SRCAP: variants seen among roughly 807,000 people sequenced by gnomAD.
The protein encoded by SRCAP is chromatin remodeling protein SRCAP.
Under a neutral mutation model 263.1 loss-of-function variants are expected in SRCAP, and 46 were observed. The ratio of observed to expected loss-of-function variants is 0.17; its 90% confidence interval spans 0.14 to 0.22. The LOEUF is 0.22. Ranked by LOEUF, SRCAP falls within the 10% of genes least tolerant of loss-of-function variation. The probability of loss-of-function intolerance (pLI) is 1.00; values close to 1 mark genes in which losing one functional copy is unlikely to be tolerated. For synonymous variants in SRCAP, 1,813 were observed against 1,662.1 expected (o/e 1.09, Z -2.21); for missense variants, 3,695 against 4,181.9 (o/e 0.88, Z 3.21).
rs200405373 is a variant in SRCAP at position 30,720,841 on chromosome 16, G to T, written c.3116G>T (p.Gly1039Val). 6.2e-7 allele frequency: 1 copy of T among 1,613,856 alleles called. No homozygotes were observed. The highest frequency in any genetic ancestry group is 1.3e-5 in the African/African-American group (1 of 74,970). Residue 1039 changes from glycine (G) to valine (V), a missense_variant, in exon 20 of 34, where the codon GGC becomes GTC. Physicochemically the swap from Gly to Val is moderately radical, Grantham distance 109 (BLOSUM62 -3). This residue lies in a region of SRCAP where 1,347 missense variants were observed against 1,304.4 expected (regional missense o/e 1.03). Coordinates refer to ENST00000262518, the MANE Select transcript of SRCAP (RefSeq NM_006662.3). ...GPELSAQPTP[G>V]PVPQVLPASL... ...GAGCTCTCAGCCCAGCCCACCCCTG[G>T]CCCAGTCCCCCAAGTGCTGCCAGCA...
In SRCAP at chr16:30,738,412, C is replaced by T. The variant is rs374720304; in HGVS notation, c.8372C>T (p.Pro2791Leu). 51 of 1,546,984 alleles carry T rather than the reference C, an allele frequency of 3.3e-5. No individual in the cohort carries two copies. In the African/African-American group the frequency reaches 3.9e-4, roughly 12 times the overall value. Residue 2791 changes from proline (P) to leucine (L), a missense_variant, in exon 34 of 34, where the codon CCG (proline) becomes CTG (leucine). Around this residue, in one of 12 missense-constraint regions of SRCAP, gnomAD observed 1,207 missense variants for 1,142.9 expected, o/e 1.06. Coordinates refer to ENST00000262518, the MANE Select transcript of SRCAP (RefSeq NM_006662.3). ...VSETSASPGSPSVRSMSGPES... is the reference protein window; with the variant it reads ...VSETSASPGSLSVRSMSGPES... ...GAGACTAGTGCCAGCCCGGGAAGCCCGTCTGTCCGCAGCATGTCAGGGCCA... is the reference window on the plus strand; with the variant it reads ...GAGACTAGTGCCAGCCCGGGAAGCCTGTCTGTCCGCAGCATGTCAGGGCCA...
intron 27 of SRCAP, among the ~76,000 whole-genome samples, chr16:30,732,581 G>A (rs1788886987): frequency 6.6e-6 from 1 of 152,204 alleles, no homozygotes; most frequent in South Asian, 2.1e-4. Flanking sequence ...GTTCTGATCT[G>A]TGACCTTAAA....
Position 30,740,682 on chromosome 16 carries a change from C to CA in SRCAP, c.*950dup, listed in dbSNP as rs1555466268. On this transcript the variant is annotated 3_prime_UTR_variant, in exon 34 of 34. Transcript: ENST00000262518. The stretch of plus-strand genomic sequence containing the variant: ...CAAAGCTGAGGCAGGAGCCGAAACT[C>CA]AGAGTCCTTCAAGGCCTATAGCCAG... 3.3e-5 allele frequency: 5 copies of CA among 152,194 alleles called. No homozygotes were observed. Among genetic ancestry groups the CA allele is most frequent in the African/African-American group, 9.7e-5 (4 of 41,448 alleles). 9.4% of individuals were successfully genotyped at this position (152,194 alleles called of 1,614,324 possible).
intron 3 of SRCAP, among the ~76,000 whole-genome samples, chr16:30,703,167 A>ATATG (rs1178099261): frequency 2.7e-5 from 4 of 150,344 alleles, no homozygotes; most frequent in African/African-American, 9.8e-5. Flanking sequence ...ATATATATAT[A>ATATG]TGTATGTATA....
rs1308145696 is a variant in SRCAP, at chr16:30,729,247, T to G, written c.5924+16T>G. On this transcript the variant is annotated intron_variant, in intron 26 of 33. Coordinates refer to ENST00000262518, the MANE Select transcript of SRCAP (RefSeq NM_006662.3). ...TCATTGAGAGGTTGGCAGGGCTAAG[T>G]GCTAATGGGGAGTGGGTCTTGGGGC... 5.0e-6 allele frequency: 8 copies of G among 1,601,078 alleles called. No homozygotes were observed. The highest frequency in any genetic ancestry group is 6.8e-6 in the Non-Finnish European group (8 of 1,171,744).
In SRCAP at chr16:30,723,715, G is replaced by A. The variant is rs774989117; in HGVS notation, c.4291G>A (p.Val1431Ile). 55 of 1,613,860 alleles carry A rather than the reference G, an allele frequency of 3.4e-5. No homozygotes were observed. The highest frequency in any genetic ancestry group is 4.1e-5 in the Non-Finnish European group (48 of 1,179,992). ...CCTTGCTAGTCCTGTGTCCTCTACA[G>A]TCTCAGTTCCATTGTCATCTTCACT... ...SPLASPVSST[V>I]SVPLSSSLPI... Residue 1431 changes from valine (V) to isoleucine (I), a missense_variant, in exon 25 of 34, where the codon GTC (valine) becomes ATC (isoleucine). Physicochemically the swap from Val to Ile is conservative, Grantham distance 29 (BLOSUM62 3). Transcript: ENST00000262518.
rs2053050180 is a variant in SRCAP at position 30,725,011 on chromosome 16, A to G, written c.5587A>G (p.Thr1863Ala). The G allele has an allele frequency of 1.2e-6, 2 of 1,611,060 alleles. No individual in the cohort carries two copies. Among genetic ancestry groups the G allele is most frequent in the South Asian group, 1.1e-5 (1 of 90,930 alleles). Reference protein sequence around the residue: ...LRSGPPSPPSTATSFGGPRPR... With the variant: ...LRSGPPSPPSAATSFGGPRPR... The stretch of plus-strand genomic sequence containing the variant: ...CTCTGGTCCCCCCAGCCCTCCCTCC[A>G]CTGCTACCTCGTTTGGTGGCCCCCG... The change falls in exon 25 of 34, where the codon ACT becomes GCT. Residue 1863 changes from threonine to alanine, a missense_variant. Coordinates refer to ENST00000262518, the MANE Select transcript of SRCAP (RefSeq NM_006662.3).
intron 30 of SRCAP, 109 bp downstream of exon 30, chr16:30,734,117 C>T (rs1203863137): frequency 1.0e-5 from 10 of 978,328 alleles, no homozygotes; most frequent in Admixed American, 5.1e-5. Context: ...CTGAGGCAGG[C>T]GGATCACTTG....
chr16:30,723,314 A>C (rs957970785), intron 24 of SRCAP, 85 bp downstream of exon 24: 2 of 1,506,986 alleles, frequency 1.3e-6, no homozygotes, highest in African/African-American at 2.8e-5. Context: ...GTTTTAGTAC[A>C]GGTTTTTTCA....
rs1235776991 is a variant in SRCAP at position 30,733,074 on chromosome 16, G to GAT, written c.6128-205_6128-204dup. 2.0e-5 allele frequency among the ~76,000 whole-genome samples: 3 copies of GAT among 152,178 alleles called. No individual in the cohort carries two copies. Among genetic ancestry groups the GAT allele is most frequent in the Non-Finnish European group, 4.4e-5 (3 of 68,034 alleles). On this transcript the variant is annotated intron_variant, in intron 27 of 33. Coordinates refer to ENST00000262518, the MANE Select transcript of SRCAP (RefSeq NM_006662.3). The surrounding 1 kb of genome is among the most constrained non-coding windows in gnomAD (Gnocchi z 5.3). ...TGGTCTTGAACTCCCGACTTAAAGTGATCCACCTGCCTCAGCTTCTCAGAG... is the reference window on the plus strand; with the variant it reads ...TGGTCTTGAACTCCCGACTTAAAGTGATATCCACCTGCCTCAGCTTCTCAGAG...
At chr16:30,719,870 T>C (rs528471336) in intron 18 of SRCAP, among the ~76,000 whole-genome samples, 1 of 152,258 alleles carries the variant, frequency 6.6e-6, no homozygotes, top group Admixed American at 6.5e-5. Context: ...GTATATTGCA[T>C]GATGCTGAGG....
At position 30,722,246 on chromosome 16, in the gene SRCAP, G is replaced by A; in HGVS notation, c.3666G>A (p.Gln1222=). ...QGNKLTLTGA[Q]VRQLAVGQPR... ...ACAAGCTGACTTTGACTGGTGCCCA[G>A]GTGCGCCAGCTTGCTGTGGGGCAGC... is the stretch of plus-strand genomic sequence containing the variant. The change falls in exon 22 of 34, where the codon CAG becomes CAA. Residue 1222 remains glutamine (Q), a synonymous_variant. Coordinates refer to ENST00000262518, the MANE Select transcript of SRCAP (RefSeq NM_006662.3). 6.2e-7 allele frequency: 1 copy of A among 1,614,178 alleles called. No individual in the cohort carries two copies. The highest frequency in any genetic ancestry group is 8.5e-7 in the Non-Finnish European group (1 of 1,180,022).
Position 30,700,697 on chromosome 16 carries a change from C to T in SRCAP, c.-128C>T, listed in dbSNP as rs369654583. The T allele has an allele frequency of 1.7e-4, 150 of 873,466 alleles. No individual in the cohort carries two copies. The highest frequency in any genetic ancestry group is 6.9e-4 in the East Asian group (25 of 36,160). The allele number at this position is 873,466 out of a possible 1,614,324, so 54.1% of individuals were successfully genotyped here. ...GCCCTGGAAGGCGGGTCCCGGTGGC[C>T]GGTGGCCCAGAATGAGGCCAGCTCC... On this transcript the variant is annotated 5_prime_UTR_variant, in exon 3 of 34. Coordinates refer to ENST00000262518, the MANE Select transcript of SRCAP (RefSeq NM_006662.3).
At chr16:30,700,127 A>G (rs1294466009) in intron 2 of SRCAP, 146 bp downstream of exon 2, 1 of 152,256 alleles carries the variant, frequency 6.6e-6, no homozygotes, top group Non-Finnish European at 1.5e-5. Flanking sequence ...GTTTGATTAT[A>G]GTACAACAAC....
Position 30,707,606 on chromosome 16 carries a change from A to G in SRCAP, c.527A>G (p.Gln176Arg), listed in dbSNP as rs764108371. 1 of 1,614,020 alleles carries G rather than the reference A, an allele frequency of 6.2e-7. No homozygotes were observed. Among genetic ancestry groups the G allele is most frequent in the South Asian group, 1.1e-5 (1 of 91,062 alleles). ...VRMVIRHHEE[Q>R]RQKEERARRE... ...ATGGTGATCCGGCACCACGAGGAGC[A>G]GCGGCAGAAAGAGGAACGGGCCCGG... is the stretch of plus-strand genomic sequence containing the variant. The change falls in exon 6 of 34, where the codon CAG (glutamine) becomes CGG (arginine). Residue 176 changes from glutamine (Q) to arginine (R), a missense_variant. By Grantham distance (43) the Gln-to-Arg change is conservative. Around this residue, in one of 12 missense-constraint regions of SRCAP, gnomAD observed 107 missense variants for 223.8 expected, o/e 0.48. Transcript: ENST00000262518.
rs1298956270 is a variant in SRCAP at position 30,721,427 on chromosome 16, T to G, written c.3492T>G (p.Pro1164=). ...ATTTAVPAPT[P]APQRLILSPD... ...CCACAGCAGTGCCAGCTCCGACTCC[T>G]GCACCACAGCGCCTCATTCTATCTC... Residue 1164 remains proline (P), a synonymous_variant, in exon 21 of 34, where the codon CCT becomes CCG. Coordinates refer to ENST00000262518, the MANE Select transcript of SRCAP (RefSeq NM_006662.3). 3 of 1,613,200 alleles carry G rather than the reference T, an allele frequency of 1.9e-6. No homozygotes were observed. Among genetic ancestry groups the G allele is most frequent in the Non-Finnish European group, 2.5e-6 (3 of 1,180,040 alleles).
rs200873556 is a variant in SRCAP, at chr16:30,716,450, C to T, written c.2788C>T (p.Leu930=). 9.3e-6 allele frequency: 15 copies of T among 1,614,126 alleles called. No homozygotes were observed. In the East Asian group the frequency reaches 2.0e-4, roughly 22 times the overall value. ...GICFSTASLV[L]RATDVHPLQR... is the part of the protein sequence containing the mutation. ...CTGCTTCAGCACCGCCTCTCTGGTG[C>T]TAAGGGCCACGGATGTCCATCCCCT... is the stretch of plus-strand genomic sequence containing the variant. Residue 930 remains leucine, a synonymous_variant, in exon 18 of 34, where the codon CTA becomes TTA. Coordinates refer to ENST00000262518, the MANE Select transcript of SRCAP (RefSeq NM_006662.3).
intron 18 of SRCAP, among the ~76,000 whole-genome samples, chr16:30,717,498 G>A (rs1376506896): frequency 2.7e-5 from 4 of 149,996 alleles, no homozygotes; most frequent in Admixed American, 6.6e-5. Flanking sequence ...CCAGGCTAGA[G>A]TTCAGTGGTA....
Position 30,716,046 on chromosome 16 carries a change from C to T in SRCAP, c.2494-20C>T, listed in dbSNP as rs886412488. On this transcript the variant is annotated intron_variant, in intron 16 of 33. Transcript: ENST00000262518. Reference sequence around the variant, plus strand: ...GTGCCTGAGTTCTCCTGTTTAGCCTCCAGCTTAATTTGCTTTTAGGTTTTG... The same window carrying T: ...GTGCCTGAGTTCTCCTGTTTAGCCTTCAGCTTAATTTGCTTTTAGGTTTTG... 6.2e-7 allele frequency: 1 copy of T among 1,613,744 alleles called. No homozygotes were observed. The highest frequency in any genetic ancestry group is 2.2e-5 in the East Asian group (1 of 44,886).
Sources: allele counts gnomAD v4.1 joint callset (sites outside exome capture counted in the v4.1 genomes callset), GRCh38; gene constraint gnomAD v4.1.1; regional missense constraint gnomAD v4.1.1; non-coding constraint Gnocchi (gnomAD v3.1); transcripts MANE v1.5; gene names NCBI Gene and HGNC (gene_info 2026-07-23, HGNC 2026-07-21).